Variants in ALG5 observed in about 807,000 individuals in gnomAD.
ALG5 encodes the protein ALG5 dolichyl-phosphate beta-glucosyltransferase, also known as dolichyl-phosphate beta-glucosyltransferase.
Under a neutral mutation model 51.8 loss-of-function variants are expected in ALG5, and 26 were observed. The observed-to-expected ratio is 0.50, with a 90% confidence interval of 0.37 to 0.70. The LOEUF is 0.70. ALG5 is among the 30% of genes least tolerant of loss of function. The pLI is 0.00. For synonymous variants in ALG5, 141 were observed against 136.1 expected (o/e 1.04, Z -0.25); for missense variants, 311 against 399.3 (o/e 0.78, Z 1.88).
At chr13:36,982,967 CTT>C (rs1473889379) in intron 6 of ALG5, among the ~76,000 whole-genome samples, 21 of 152,084 alleles carry the variant, frequency 1.4e-4, no homozygotes, top group African/African-American at 5.1e-4. Flanking sequence ...TTCTTTAAAA[CTT>C]AACATTTCTA....
intron 7 of ALG5, 58 bp downstream of exon 7, chr13:36,971,918 TA>T: frequency 4.5e-6 from 6 of 1,344,820 alleles, no homozygotes; most frequent in South Asian, 1.3e-5. Flanking sequence ...GATATATATA[TA>T]AAAAAAGAAA....
intron 3 of ALG5, 110 bp downstream of exon 3, chr13:36,994,879 C>T (rs560638494): frequency 6.6e-5 from 59 of 888,796 alleles, no homozygotes; most frequent in East Asian, 2.0e-4. Flanking sequence ...GCCCAGCGAT[C>T]GGGGTGCTGC....
chr13:36,967,299 C>A (rs1348797164), intron 7 of ALG5, among the ~76,000 whole-genome samples: 1 of 151,982 alleles, frequency 6.6e-6, no homozygotes, highest in East Asian at 1.9e-4. Context: ...ATCCTGGCTC[C>A]GTTACTAATT....
rs749484470 is a variant in ALG5 at position 36,965,725 on chromosome 13, C to T, written c.623G>A (p.Arg208His). ...AHLEKESIAQ[R>H]SYFRTLLMYG... The stretch of plus-strand genomic sequence containing the variant: ...CATGAGAAGAGTACGGAAGTAAGAA[C>T]GCTGAAAACAAAGACAAAATATAAA... The change falls in exon 8 of 10, where the codon CGT becomes CAT. Residue 208 changes from arginine to histidine, a missense_variant and splice_region_variant. Transcript: ENST00000239891. 5 of 1,606,566 alleles carry T rather than the reference C, an allele frequency of 3.1e-6. No homozygotes were observed. The highest frequency in any genetic ancestry group is 1.1e-5 in the South Asian group (1 of 90,082).
intron 6 of ALG5, among the ~76,000 whole-genome samples, chr13:36,974,406 ATAAT>A (rs1335104233): frequency 6.6e-6 from 1 of 152,204 alleles, no homozygotes; most frequent in Non-Finnish European, 1.5e-5. Context: ...TATATAAATG[ATAAT>A]TAAAGAGAAA....
chr13:36,976,832 T>G (rs2058954279), intron 6 of ALG5, among the ~76,000 whole-genome samples: 1 of 152,212 alleles, frequency 6.6e-6, no homozygotes, highest in African/African-American at 2.4e-5. Context: ...GTAGAGGTAC[T>G]TTGTGCAGAA....
intron 5 of ALG5, among the ~76,000 whole-genome samples, chr13:36,987,818 AT>A (rs751231441): frequency 1.3e-4 from 20 of 152,140 alleles, no homozygotes; most frequent in Non-Finnish European, 2.2e-4. Context: ...TGTCACTATC[AT>A]AATCCAAATA....
At chr13:36,963,466 A>T (rs1001383111) in intron 8 of ALG5, among the ~76,000 whole-genome samples, 1 of 136,018 alleles carries the variant, frequency 7.4e-6, no homozygotes, top group Non-Finnish European at 1.5e-5. Flanking sequence ...TTCAAACCAC[A>T]AAGAACCTGC....
intron 6 of ALG5, among the ~76,000 whole-genome samples, chr13:36,984,588 G>A (rs1016275823): frequency 6.6e-6 from 1 of 152,022 alleles, no homozygotes; most frequent in Non-Finnish European, 1.5e-5. Context: ...ATTATATGTT[G>A]GTGTGATTGC....
chr13:36,970,581 CAG>C (rs1436961260), intron 7 of ALG5, among the ~76,000 whole-genome samples: 1 of 149,000 alleles, frequency 6.7e-6, no homozygotes, highest in African/African-American at 2.5e-5. Flanking sequence ...ACTTGGGTGA[CAG>C]AGTTAGACTC....
At chr13:36,963,763 T>C (rs560970596) in intron 8 of ALG5, among the ~76,000 whole-genome samples, 3 of 152,340 alleles carry the variant, frequency 2.0e-5, no homozygotes, top group South Asian at 4.1e-4. Flanking sequence ...ATGGCATATA[T>C]TTCTAGGAAG....
chr13:36,980,259 G>A (rs2138812788), intron 6 of ALG5, among the ~76,000 whole-genome samples: 1 of 152,152 alleles, frequency 6.6e-6, no homozygotes, highest in Non-Finnish European at 1.5e-5. Flanking sequence ...TTTTGAGACA[G>A]AGTCTCTCTC....
At chr13:36,954,937 T>TA (rs1036375961) in intron 8 of ALG5, among the ~76,000 whole-genome samples, 3 of 151,670 alleles carry the variant, frequency 2.0e-5, no homozygotes, top group African/African-American at 4.8e-5. Context: ...ATAATAAAAA[T>TA]AAAAAAAACC....
chr13:36,979,569 A>G (rs1213449246), intron 6 of ALG5, among the ~76,000 whole-genome samples: 1 of 152,236 alleles, frequency 6.6e-6, no homozygotes, highest in Non-Finnish European at 1.5e-5. Context: ...TATTAGAGAT[A>G]GAAGAGCATT....
At chr13:36,995,777 T>C (rs575386960) in intron 1 of ALG5, among the ~76,000 whole-genome samples, 181 bp from the exon 2 acceptor site, 2 of 152,344 alleles carry the variant, frequency 1.3e-5, no homozygotes, top group South Asian at 2.1e-4. Flanking sequence ...CCCCTACTTA[T>C]GAACGAATTA....
intron 6 of ALG5, among the ~76,000 whole-genome samples, chr13:36,984,897 T>A (rs1443510877): frequency 8.5e-5 from 13 of 152,156 alleles, no homozygotes; most frequent in Admixed American, 8.5e-4. Context: ...TGTCCCCAAT[T>A]CAGCTTACAG....
chr13:36,965,541 A>C, intron 8 of ALG5, 34 bp downstream of exon 8: 4 of 1,599,830 alleles, frequency 2.5e-6, no homozygotes, highest in Non-Finnish European at 3.4e-6. Flanking sequence ...CTGGGTCATA[A>C]GACAGACTGG....
chr13:36,972,953 CTG>C (rs2058932646), intron 6 of ALG5, among the ~76,000 whole-genome samples: 2 of 142,174 alleles, frequency 1.4e-5, no homozygotes, highest in Non-Finnish European at 3.0e-5. Context: ...GATCACACCA[CTG>C]TGCTCCAGCC....
At chr13:36,978,995 A>C (rs921847360) in intron 6 of ALG5, among the ~76,000 whole-genome samples, 1 of 151,934 alleles carries the variant, frequency 6.6e-6, no homozygotes, top group Non-Finnish European at 1.5e-5. Flanking sequence ...TGCTGAACAC[A>C]TGCTAAACAC....
Sources: gnomAD v4.1 joint callset for allele counts (sites outside exome capture counted in the v4.1 genomes callset) on GRCh38, gnomAD v4.1.1 for gene constraint, MANE v1.5 for transcripts, NCBI Gene and HGNC (gene_info 2026-07-23, HGNC 2026-07-21) for gene names.